Variants in PRKAG2 observed in about 807,000 individuals in gnomAD.
PRKAG2 encodes 5'-AMP-activated protein kinase subunit gamma-2.
Under a neutral mutation model 69.6 loss-of-function variants are expected in PRKAG2, and 26 were observed. That is an observed-to-expected ratio of 0.37 (90% CI 0.27 to 0.52). The LOEUF (loss-of-function observed/expected upper bound fraction) is 0.52, where lower values mean the gene tolerates loss of function less well. Ranked by LOEUF, PRKAG2 falls within the 20% of genes least tolerant of loss-of-function variation. The pLI, the probability that PRKAG2 is intolerant of heterozygous loss-of-function variation, is 0.90. For missense variants in PRKAG2, 557 were observed against 740.0 expected (o/e 0.75, Z 2.87); for synonymous variants, 293 against 285.0 (o/e 1.03, Z -0.28).
Position 151,614,776 on chromosome 7 carries a change from G to C in PRKAG2, c.754+17293C>G, listed in dbSNP as rs981203307. Among the ~76,000 whole-genome samples the C allele has an allele frequency of 3.9e-5, 6 of 152,192 alleles. No individual in the cohort carries two copies. The highest frequency in any genetic ancestry group is 1.4e-4 in the African/African-American group (6 of 41,444). Reference sequence around the variant, plus strand: ...GAGTCCCCATCACCAGCAACCACCTGGCACTAATCACAATGGCTTTTCTGC... The same window carrying C: ...GAGTCCCCATCACCAGCAACCACCTCGCACTAATCACAATGGCTTTTCTGC... On this transcript the variant is annotated intron_variant, in intron 5 of 15. Coordinates refer to ENST00000287878, the MANE Select transcript of PRKAG2 (RefSeq NM_016203.4). The surrounding 1 kb of genome is among the most constrained non-coding windows in gnomAD (Gnocchi z 4.4).
At chr7:151,686,339 C>T (rs1834736113) in intron 3 of PRKAG2, among the ~76,000 whole-genome samples, 1 of 152,184 alleles carries the variant, frequency 6.6e-6, no homozygotes, top group African/African-American at 2.4e-5. Context: ...TTGTTAGTTC[C>T]CATTCTTTAT....
intron 6 of PRKAG2, among the ~76,000 whole-genome samples, chr7:151,579,247 C>T (rs1342135342): frequency 6.6e-6 from 1 of 152,172 alleles, no homozygotes; most frequent in Non-Finnish European, 1.5e-5. Flanking sequence ...GTCTCAAACT[C>T]CTGGGCTTAA....
chr7:151,560,656 T>TA (rs1203788533), intron 14 of PRKAG2, 39 bp from the exon 15 acceptor site: 1 of 1,612,018 alleles, frequency 6.2e-7, no homozygotes, highest in Non-Finnish European at 8.5e-7. Context: ...AATTAACATT[T>TA]AAAAAAGGTT....
chr7:151,626,080 T>C (rs752066904), intron 5 of PRKAG2, among the ~76,000 whole-genome samples: 4 of 152,202 alleles, frequency 2.6e-5, no homozygotes, highest in Non-Finnish European at 5.9e-5. Flanking sequence ...AGTTCTGAGA[T>C]GGGAGGTCAC....
intron 9 of PRKAG2, among the ~76,000 whole-genome samples, chr7:151,570,467 CAGTA>C (rs1312053920): frequency 3.3e-5 from 5 of 152,046 alleles, no homozygotes; most frequent in East Asian, 1.9e-4. Flanking sequence ...AACAATGTGA[CAGTA>C]AGTGTTTATA....
In PRKAG2 at chr7:151,876,942, A is replaced by G. The variant is rs142348760; in HGVS notation, c.-322T>C. ...AAAGTTTTCTTCCTTTTGCAAAGCT[A>G]AGAAACATTTTCCACCCTCTCGGCT... On this transcript the variant is annotated 5_prime_UTR_variant, in exon 1 of 16. Transcript: ENST00000287878. The G allele has an allele frequency of 2.1e-3, 938 of 444,600 alleles. 5 individuals carry two copies. Among genetic ancestry groups the G allele is most frequent in the African/African-American group, 0.017 (834 of 50,378 alleles). The allele number at this position is 444,600 out of a possible 1,614,324, so 27.5% of individuals were successfully genotyped here.
intron 3 of PRKAG2, among the ~76,000 whole-genome samples, chr7:151,725,386 G>C (rs1288166797): frequency 1.3e-5 from 2 of 151,990 alleles, no homozygotes; most frequent in Non-Finnish European, 2.9e-5. Flanking sequence ...GGCTGGGGAG[G>C]AGCATGGGGA....
chr7:151,872,325 T>G (rs2080237139), intron 1 of PRKAG2, among the ~76,000 whole-genome samples: 1 of 152,210 alleles, frequency 6.6e-6, no homozygotes, highest in South Asian at 2.1e-4. Flanking sequence ...TTGGTTTCCT[T>G]GACACCAGCC....
intron 4 of PRKAG2, among the ~76,000 whole-genome samples, chr7:151,657,314 T>C (rs1860735): frequency 0.92 from 139,871 of 152,234 alleles, 64,423 homozygotes; most frequent in African/African-American, 0.98. Context: ...CCTCTCTCGG[T>C]AGTTCTGGCT....
intron 3 of PRKAG2, among the ~76,000 whole-genome samples, chr7:151,754,825 G>A (rs891734037): frequency 3.3e-5 from 5 of 151,802 alleles, no homozygotes; most frequent in Admixed American, 6.6e-5. Flanking sequence ...CCCTACCTTC[G>A]CGGTCCCCTC....
At chr7:151,833,522 G>A (rs1045130572) in intron 1 of PRKAG2, among the ~76,000 whole-genome samples, 2 of 152,172 alleles carry the variant, frequency 1.3e-5, no homozygotes, top group African/African-American at 2.4e-5. Flanking sequence ...CCTCACCTGC[G>A]CTCTGCTATA....
In PRKAG2 at chr7:151,851,759, C is replaced by T. The variant is rs538331769; in HGVS notation, c.114+24748G>A. Among the ~76,000 whole-genome samples the T allele has an allele frequency of 1.2e-3, 188 of 152,306 alleles. 5 individuals carry two copies. The South Asian group carries it at 0.032, about 26-fold the overall frequency. On this transcript the variant is annotated intron_variant, in intron 1 of 15. Coordinates refer to ENST00000287878, the MANE Select transcript of PRKAG2 (RefSeq NM_016203.4). ...AGGAAGGATGGGAAGCCTCCCTCCT[C>T]ATGGGTCCCCCTCCACAGCTCACGT...
chr7:151,833,341 TCTCATCCCTG>T (rs1016462203), intron 1 of PRKAG2, among the ~76,000 whole-genome samples: 2 of 152,128 alleles, frequency 1.3e-5, no homozygotes, highest in Non-Finnish European at 2.9e-5. Context: ...CGGGAAGGGT[TCTCATCCCTG>T]CTCATCCCTG....
chr7:151,629,408 G>A (rs966332938), intron 5 of PRKAG2, among the ~76,000 whole-genome samples: 1 of 152,146 alleles, frequency 6.6e-6, no homozygotes, highest in Non-Finnish European at 1.5e-5. Flanking sequence ...CTGAGCCTGC[G>A]GAGTAAGAGA....
chr7:151,696,240 A>G (rs1585840570), intron 3 of PRKAG2, among the ~76,000 whole-genome samples: 1 of 152,324 alleles, frequency 6.6e-6, no homozygotes. Context: ...GCCGCAGCTC[A>G]CAGCACTTTC....
intron 4 of PRKAG2, among the ~76,000 whole-genome samples, chr7:151,649,112 ATTATTTTATT>A (rs56728734): frequency 2.6e-4 from 39 of 150,800 alleles, no homozygotes; most frequent in African/African-American, 8.3e-4. Context: ...GGAAGGAATG[ATTATTTTATT>A]TTATTTTATT....
At chr7:151,589,437 C>G (rs909695740) in intron 6 of PRKAG2, among the ~76,000 whole-genome samples, 4 of 152,152 alleles carry the variant, frequency 2.6e-5, no homozygotes, top group Non-Finnish European at 5.9e-5. Flanking sequence ...CAGATTGGGT[C>G]TGATGAGCTG....
At chr7:151,595,513 G>A in intron 5 of PRKAG2, 59 bp from the exon 6 acceptor site, 1 of 1,144,862 alleles carries the variant, frequency 8.7e-7, no homozygotes, top group Non-Finnish European at 1.3e-6. Context: ...ATCGGATGAA[G>A]AGCATATACG....
At chr7:151,713,933 T>A (rs1295664399) in intron 3 of PRKAG2, among the ~76,000 whole-genome samples, 1 of 152,272 alleles carries the variant, frequency 6.6e-6, no homozygotes, top group South Asian at 2.1e-4. Context: ...ACAAGTCTTA[T>A]GAAAAATGCA....
Sources: allele counts gnomAD v4.1 joint callset (sites outside exome capture counted in the v4.1 genomes callset), GRCh38; gene constraint gnomAD v4.1.1; non-coding constraint Gnocchi (gnomAD v3.1); transcripts MANE v1.5; gene names NCBI Gene and HGNC (gene_info 2026-07-23, HGNC 2026-07-21).